SRL: variants seen among roughly 807,000 people sequenced by gnomAD.
SRL encodes the protein sarcalumenin.
Under a neutral mutation model 39.5 loss-of-function variants are expected in SRL, and 23 were observed. The observed-to-expected ratio is 0.58, with a 90% CI of 0.42 to 0.82. SRL has a LOEUF of 0.82. Among genes scored for constraint, SRL ranks in the 40% least tolerant of loss-of-function variants. The pLI, the probability that SRL is intolerant of heterozygous loss-of-function variation, is 0.00. For synonymous variants in SRL, 272 were observed against 237.4 expected (o/e 1.15, Z -1.34); for missense variants, 592 against 607.8 (o/e 0.97, Z 0.27).
At chr16:4,202,785 G>C (rs2141030881) in intron 3 of SRL, among the ~76,000 whole-genome samples, 1 of 152,208 alleles carries the variant, frequency 6.6e-6, no homozygotes, top group South Asian at 2.1e-4. Flanking sequence ...GTGATCAGAG[G>C]ACTCAGGCAC....
At chr16:4,241,869 A>G in intron 1 of SRL, 138 bp downstream of exon 1, 1 of 856,288 alleles carries the variant, frequency 1.2e-6, no homozygotes, top group Non-Finnish European at 1.8e-6. Flanking sequence ...CGGGGAAAAG[A>G]GAAGGGTAAG....
At chr16:4,230,595 G>T (rs535726907) in intron 1 of SRL, among the ~76,000 whole-genome samples, 1 of 151,610 alleles carries the variant, frequency 6.6e-6, no homozygotes, top group Non-Finnish European at 1.5e-5. Flanking sequence ...CACCATGTTG[G>T]CCAGGCTGGT....
intron 1 of SRL, among the ~76,000 whole-genome samples, chr16:4,217,674 C>A (rs1352731845): frequency 6.6e-6 from 1 of 152,226 alleles, no homozygotes; most frequent in Non-Finnish European, 1.5e-5. Context: ...GATAACAATA[C>A]CTGCTTTGCC....
At chr16:4,209,911 G>C (rs1035134020) in intron 1 of SRL, among the ~76,000 whole-genome samples, 2 of 152,252 alleles carry the variant, frequency 1.3e-5, no homozygotes, top group Non-Finnish European at 2.9e-5. Flanking sequence ...CCCTGTCCAG[G>C]CTTCCATGCC....
chr16:4,212,348 G>A (rs1334953419), intron 1 of SRL, among the ~76,000 whole-genome samples: 4 of 152,222 alleles, frequency 2.6e-5, no homozygotes, highest in East Asian at 1.9e-4. Context: ...TCCCCAGGAA[G>A]CAGCTGTGCC....
intron 1 of SRL, among the ~76,000 whole-genome samples, chr16:4,217,179 C>G (rs538569115): frequency 1.4e-4 from 21 of 152,288 alleles, no homozygotes; most frequent in Middle Eastern, 3.4e-3. Flanking sequence ...GGGGCTGAGG[C>G]TCCAGCCTCC....
chr16:4,219,505 G>C (rs1008203167), intron 1 of SRL, among the ~76,000 whole-genome samples: 4 of 152,180 alleles, frequency 2.6e-5, no homozygotes, highest in African/African-American at 9.7e-5. Context: ...CCAGGCTGGA[G>C]TGCAGTAGCG....
At chr16:4,230,097 C>T (rs1360929806) in intron 1 of SRL, among the ~76,000 whole-genome samples, 2 of 152,074 alleles carry the variant, frequency 1.3e-5, no homozygotes, top group African/African-American at 2.4e-5. Context: ...GGTCAATTCT[C>T]CCCACCCGGG....
chr16:4,195,652 C>G lies in SRL; in HGVS notation c.511G>C (p.Glu171Gln). ...PLEKFGQNFL[E>Q]KLIGIEVPHK... ...GGAACCTCAATGCCAATCAGCTTCT[C>G]TAGGAAATTCTGGCCAAACTTCTCA... The change falls in exon 5 of 6, where the codon GAG becomes CAG. Residue 171 changes from glutamate to glutamine, a missense_variant. Physicochemically the swap from Glu to Gln is conservative, Grantham distance 29. Transcript: ENST00000399609. 1.2e-6 allele frequency: 2 copies of G among 1,614,184 alleles called. No homozygotes were observed. The highest frequency in any genetic ancestry group is 2.2e-5 in the South Asian group (2 of 91,074).
At chr16:4,216,844 C>G (rs9931443) in intron 1 of SRL, among the ~76,000 whole-genome samples, 34,570 of 152,104 alleles carry the variant, frequency 0.23, 3,991 homozygotes, top group Admixed American at 0.29. Context: ...GGCTTCCCCC[C>G]ACATCCCAGT....
intron 3 of SRL, among the ~76,000 whole-genome samples, chr16:4,202,155 G>A (rs942758041): frequency 1.3e-5 from 2 of 152,212 alleles, no homozygotes; most frequent in Non-Finnish European, 2.9e-5. Flanking sequence ...GGGAAGGAGG[G>A]AGGTTTCCAC....
chr16:4,213,409 T>TCTTTTTC (rs1241801192), intron 1 of SRL, among the ~76,000 whole-genome samples: 9 of 116,504 alleles, frequency 7.7e-5, no homozygotes, highest in African/African-American at 1.5e-4. Flanking sequence ...TTTTTCTTTT[T>TCTTTTTC]TTTTTTTTTT....
chr16:4,197,421 C>CTTTTTTTT (rs71139621), intron 4 of SRL, among the ~76,000 whole-genome samples: 6 of 107,568 alleles, frequency 5.6e-5, no homozygotes, highest in African/African-American at 1.5e-4. Flanking sequence ...CTTTTCTTTC[C>CTTTTTTTT]TTTTTTTTTT....
At chr16:4,206,829 T>G in intron 1 of SRL, 1 of 456,764 alleles carries the variant, frequency 2.2e-6, no homozygotes, top group South Asian at 1.5e-5. Context: ...TGTATTCAAT[T>G]CCTCCGGGCC....
chr16:4,236,742 C>T (rs2052718239), intron 1 of SRL, among the ~76,000 whole-genome samples: 1 of 152,112 alleles, frequency 6.6e-6, no homozygotes, highest in South Asian at 2.1e-4. Context: ...CTCCCGGGTA[C>T]AAGCAATTCT....
intron 3 of SRL, among the ~76,000 whole-genome samples, chr16:4,202,264 C>T (rs149716333): frequency 1.3e-5 from 2 of 152,324 alleles, no homozygotes; most frequent in African/African-American, 4.8e-5. Flanking sequence ...GAAGGCTTCA[C>T]TATAACGATG....
rs1294847763 is a variant in SRL, at chr16:4,193,968, CTAA to C, written c.611-1007_611-1005del. Among the ~76,000 whole-genome samples, 4 of 150,902 alleles carry C rather than the reference CTAA, an allele frequency of 2.7e-5. 1 individual carries two copies. In the South Asian group the frequency reaches 8.3e-4, roughly 31 times the overall value. On this transcript the variant is annotated intron_variant, in intron 5 of 5. Coordinates refer to ENST00000399609, the MANE Select transcript of SRL (RefSeq NM_001098814.2). Reference sequence around the variant, plus strand: ...TATAATATTATTACTAATATTACTACTAATATTATTAATTGCTTCTAATATTAC... The same window carrying C: ...TATAATATTATTACTAATATTACTACTATTATTAATTGCTTCTAATATTAC...
intron 5 of SRL, among the ~76,000 whole-genome samples, chr16:4,194,112 G>C (rs2052102794): frequency 6.6e-6 from 1 of 152,198 alleles, no homozygotes; most frequent in South Asian, 2.1e-4. Flanking sequence ...ACTCACTGCA[G>C]ACAGCCTTGC....
chr16:4,229,472 G>A (rs2052635433), intron 1 of SRL, among the ~76,000 whole-genome samples: 1 of 151,952 alleles, frequency 6.6e-6, no homozygotes, highest in African/African-American at 2.4e-5. Context: ...AAAACATGTT[G>A]TTTGCAGAAA....
Sources: allele counts gnomAD v4.1 joint callset (sites outside exome capture counted in the v4.1 genomes callset), GRCh38; gene constraint gnomAD v4.1.1; transcripts MANE v1.5; gene names NCBI Gene and HGNC (gene_info 2026-07-23, HGNC 2026-07-21).